ROBO2: variants seen among roughly 807,000 people sequenced by gnomAD.
ROBO2 encodes roundabout guidance receptor 2, also known as roundabout homolog 2.
Under a neutral mutation model 160.8 loss-of-function variants are expected in ROBO2, and 53 were observed. That is an observed-to-expected ratio of 0.33 (90% CI 0.26 to 0.41). ROBO2 has a LOEUF of 0.41. Ranked by LOEUF, ROBO2 falls within the 10% of genes least tolerant of loss-of-function variation. The probability of loss-of-function intolerance (pLI) is 1.00; values close to 1 mark genes in which losing one functional copy is unlikely to be tolerated. For synonymous variants in ROBO2, 664 were observed against 611.7 expected (o/e 1.09, Z -1.26); for missense variants, 1,577 against 1,722.4 (o/e 0.92, Z 1.49).
At chr3:77,377,596 C>T (rs1412466518) in intron 2 of ROBO2, among the ~76,000 whole-genome samples, 1 of 152,176 alleles carries the variant, frequency 6.6e-6, no homozygotes, top group Non-Finnish European at 1.5e-5. Flanking sequence ...GGAATTTACA[C>T]ACAAGTCAAT....
At chr3:76,370,566 CA>C (rs1196774703) in intron 2 of ROBO2, among the ~76,000 whole-genome samples, 2 of 151,886 alleles carry the variant, frequency 1.3e-5, no homozygotes, top group Non-Finnish European at 2.9e-5. Context: ...CTAGAAAGTA[CA>C]TACAAAGAAA....
At chr3:76,528,226 A>C (rs946009759) in intron 2 of ROBO2, among the ~76,000 whole-genome samples, 1 of 152,126 alleles carries the variant, frequency 6.6e-6, no homozygotes, top group Admixed American at 6.6e-5. Context: ...ACTTTTGAGC[A>C]GAGGAATGAC....
chr3:77,359,195 C>T (rs888142154), intron 2 of ROBO2, among the ~76,000 whole-genome samples: 1 of 152,164 alleles, frequency 6.6e-6, no homozygotes, highest in Non-Finnish European at 1.5e-5. Flanking sequence ...CTCAGGGACA[C>T]GTTCACTGAA....
At chr3:76,516,421 CA>C (rs2081349657) in intron 2 of ROBO2, among the ~76,000 whole-genome samples, 1 of 152,112 alleles carries the variant, frequency 6.6e-6, no homozygotes, top group African/African-American at 2.4e-5. Flanking sequence ...CTTTGAAGTT[CA>C]AAATGTGACC....
intron 2 of ROBO2, among the ~76,000 whole-genome samples, chr3:76,416,804 C>T (rs1201735896): frequency 6.6e-6 from 1 of 152,152 alleles, no homozygotes; most frequent in East Asian, 1.9e-4. Flanking sequence ...TCTTGCCTCT[C>T]TTCAGTTTGC....
intron 2 of ROBO2, among the ~76,000 whole-genome samples, chr3:76,871,715 G>A (rs1016864969): frequency 3.3e-5 from 5 of 152,126 alleles, no homozygotes; most frequent in Non-Finnish European, 7.4e-5. Flanking sequence ...TGTCATGATT[G>A]TTACCTATTA....
intron 2 of ROBO2, among the ~76,000 whole-genome samples, chr3:77,365,477 T>G (rs1026509249): frequency 6.6e-6 from 1 of 152,296 alleles, no homozygotes; most frequent in South Asian, 2.1e-4. Context: ...AAGTAACATT[T>G]ACACCAGTCT....
At chr3:76,886,408 A>AAAC (rs2073892496) in intron 2 of ROBO2, among the ~76,000 whole-genome samples, 1 of 151,874 alleles carries the variant, frequency 6.6e-6, no homozygotes, top group African/African-American at 2.4e-5. Context: ...AAAAAAAAAA[A>AAAC]CAACCTTTCT....
intron 2 of ROBO2, among the ~76,000 whole-genome samples, chr3:76,657,192 G>C (rs1228898068): frequency 6.7e-6 from 1 of 148,994 alleles, no homozygotes; most frequent in African/African-American, 2.5e-5. Context: ...TTGGGAAGCC[G>C]AGGCAGGCAG....
intron 2 of ROBO2, among the ~76,000 whole-genome samples, chr3:76,989,592 A>G (rs1008378568): frequency 6.6e-6 from 1 of 152,134 alleles, no homozygotes; most frequent in African/African-American, 2.4e-5. Context: ...AAATAAAAAG[A>G]TAATAGATTA....
chr3:76,585,604 C>A (rs959432029), intron 2 of ROBO2, among the ~76,000 whole-genome samples: 4 of 152,102 alleles, frequency 2.6e-5, no homozygotes, highest in African/African-American at 9.7e-5. Context: ...CTGATATAAT[C>A]CATGATATTC....
intron 23 of ROBO2, chr3:77,633,603 C>A (rs1395085998): frequency 6.6e-6 from 1 of 152,154 alleles, no homozygotes; most frequent in Non-Finnish European, 1.5e-5. Flanking sequence ...TTACCCTTCA[C>A]TAAACTCTCA....
At chr3:76,846,523 C>T (rs147950879) in intron 2 of ROBO2, among the ~76,000 whole-genome samples, 1 of 152,180 alleles carries the variant, frequency 6.6e-6, no homozygotes, top group African/African-American at 2.4e-5. Flanking sequence ...CTCTGAATGA[C>T]TATTTGAAGA....
At chr3:76,130,748 T>C (rs2071192616) in intron 2 of ROBO2, among the ~76,000 whole-genome samples, 1 of 152,128 alleles carries the variant, frequency 6.6e-6, no homozygotes, top group African/African-American at 2.4e-5. Context: ...TTAATAACAA[T>C]TCATGTTCTA....
chr3:76,673,108 T>C (rs2092312487), intron 2 of ROBO2, among the ~76,000 whole-genome samples: 1 of 150,138 alleles, frequency 6.7e-6, no homozygotes. Context: ...TAAGCTTGTC[T>C]GTGTCTTTCT....
chr3:77,253,682 A>G (rs896484840), intron 2 of ROBO2, among the ~76,000 whole-genome samples: 1 of 152,180 alleles, frequency 6.6e-6, no homozygotes, highest in Non-Finnish European at 1.5e-5. Context: ...GAGAAATACC[A>G]ATAAATGTCA....
At chr3:76,020,326 C>G (rs923264233) in intron 2 of ROBO2, among the ~76,000 whole-genome samples, 1 of 151,780 alleles carries the variant, frequency 6.6e-6, no homozygotes, top group Non-Finnish European at 1.5e-5. Context: ...TTGAATTTAA[C>G]CTTTAACTAG....
At chr3:76,906,037 G>A (rs1166995) in intron 2 of ROBO2, among the ~76,000 whole-genome samples, 40,238 of 151,826 alleles carry the variant, frequency 0.27, 5,490 homozygotes, top group Middle Eastern at 0.39. Flanking sequence ...GTTTGCATTT[G>A]TTATAGCAAC....
intron 6 of ROBO2, among the ~76,000 whole-genome samples, chr3:77,528,052 G>A (rs1422163323): frequency 6.6e-6 from 1 of 151,618 alleles, no homozygotes; most frequent in East Asian, 1.9e-4. Context: ...ATCTAAGTAA[G>A]TTAACAGCTT....
Sources: gnomAD v4.1 joint callset for allele counts (sites outside exome capture counted in the v4.1 genomes callset) on GRCh38, gnomAD v4.1.1 for gene constraint, MANE v1.5 for transcripts, NCBI Gene and HGNC (gene_info 2026-07-23, HGNC 2026-07-21) for gene names.